Variants in RBFOX3 observed in about 807,000 individuals in gnomAD.
The protein encoded by RBFOX3 is RNA binding fox-1 homolog 3.
RBFOX3 carries 17 observed loss-of-function variants against 48.7 expected under a neutral mutation model. The observed-to-expected ratio is 0.35, with a 90% CI of 0.24 to 0.52. The LOEUF is 0.52. Among genes scored for constraint, RBFOX3 ranks in the 20% least tolerant of loss-of-function variants. The pLI, the probability that RBFOX3 is intolerant of heterozygous loss-of-function variation, is 0.94. For synonymous variants in RBFOX3, 212 were observed against 209.5 expected (o/e 1.01, Z -0.10); for missense variants, 382 against 497.5 (o/e 0.77, Z 2.21).
At chr17:79,121,605 G>T (rs1443459169) in intron 4 of RBFOX3, among the ~76,000 whole-genome samples, 1 of 152,136 alleles carries the variant, frequency 6.6e-6, no homozygotes, top group Admixed American at 6.5e-5. Flanking sequence ...TCCAGTCCTT[G>T]TCTGGTCTGG....
intron 2 of RBFOX3, among the ~76,000 whole-genome samples, chr17:79,457,737 G>A (rs1384649639): frequency 1.3e-5 from 2 of 152,260 alleles, no homozygotes; most frequent in Non-Finnish European, 2.9e-5. Context: ...CAACAGCCAT[G>A]AGATCCCTGC....
At chr17:79,664,568 G>A in the RBFOX3 span, among the ~76,000 whole-genome samples, 2 of 152,086 alleles carry the variant, frequency 1.3e-5, no homozygotes, top group African/African-American at 2.4e-5. Flanking sequence ...GGCTGGTCTC[G>A]AACTCCTGAC....
intron 2 of RBFOX3, among the ~76,000 whole-genome samples, chr17:79,330,097 T>C (rs1197050157): frequency 6.6e-6 from 1 of 152,174 alleles, no homozygotes; most frequent in Non-Finnish European, 1.5e-5. Flanking sequence ...CCAGAGACTC[T>C]TGTGTGTGAG....
At chr17:79,524,093 C>T (rs993364336) in intron 1 of RBFOX3, among the ~76,000 whole-genome samples, 506 of 152,252 alleles carry the variant, frequency 3.3e-3, no homozygotes, top group African/African-American at 0.012. Context: ...TTTGAAGTCC[C>T]GCATTCTATG....
intron 2 of RBFOX3, among the ~76,000 whole-genome samples, chr17:79,406,306 C>A (rs1461057043): frequency 6.6e-6 from 1 of 152,228 alleles, no homozygotes; most frequent in Non-Finnish European, 1.5e-5. Context: ...CGGCTCAGCA[C>A]TGCTTCAGCC....
At chr17:79,356,367 T>TTTTTGTTTTTGTTTTTG (rs1479725765) in intron 2 of RBFOX3, among the ~76,000 whole-genome samples, 1 of 76,996 alleles carries the variant, frequency 1.3e-5, no homozygotes, top group Admixed American at 1.3e-4. Flanking sequence ...TTTTTTTTTT[T>TTTTTGTTTTTGTTTTTG]TTTTTTTTTT....
chr17:79,626,982 G>A, the RBFOX3 span, among the ~76,000 whole-genome samples: 1 of 152,218 alleles, frequency 6.6e-6, no homozygotes. Flanking sequence ...TCAGCCTCGA[G>A]CCTCAGAATG....
intron 1 of RBFOX3, among the ~76,000 whole-genome samples, chr17:79,585,595 G>A (rs987550642): frequency 9.1e-4 from 138 of 152,196 alleles, no homozygotes; most frequent in African/African-American, 3.2e-3. Context: ...AAATAAAAAT[G>A]TTTAAGACCT....
At chr17:79,620,204 C>CACATGCACACACAGGG in the RBFOX3 span, among the ~76,000 whole-genome samples, 2 of 148,650 alleles carry the variant, frequency 1.3e-5, no homozygotes, top group Admixed American at 6.7e-5. Flanking sequence ...CACACACGTG[C>CACATGCACACACAGGG]ACATGCACAC....
chr17:79,425,850 AGGAATGGTGAG>A (rs1487471773), intron 2 of RBFOX3, among the ~76,000 whole-genome samples: 1 of 151,990 alleles, frequency 6.6e-6, no homozygotes, highest in Non-Finnish European at 1.5e-5. Flanking sequence ...GGAGAGGACA[AGGAATGGTGAG>A]GGCAGAGACC....
intron 4 of RBFOX3, among the ~76,000 whole-genome samples, chr17:79,173,066 C>T (rs376010171): frequency 2.6e-4 from 40 of 152,180 alleles, no homozygotes; most frequent in East Asian, 1.2e-3. Context: ...AGAAATTAGC[C>T]GGGTGTGGTG....
At chr17:79,147,541 G>A (rs932828329) in intron 4 of RBFOX3, among the ~76,000 whole-genome samples, 3 of 152,188 alleles carry the variant, frequency 2.0e-5, no homozygotes, top group Non-Finnish European at 4.4e-5. Flanking sequence ...GAGATCGGGA[G>A]GATCTCATTG....
intron 1 of RBFOX3, among the ~76,000 whole-genome samples, chr17:79,609,219 T>C (rs2093912558): frequency 6.6e-6 from 1 of 152,148 alleles, no homozygotes; most frequent in Non-Finnish European, 1.5e-5. Context: ...TGCAGACCAG[T>C]AAAACCGAAG....
In RBFOX3 at chr17:79,451,379, C is replaced by T. The variant is rs376036528; in HGVS notation, c.-175+31075G>A. 2.2e-3 allele frequency among the ~76,000 whole-genome samples: 330 copies of T among 152,268 alleles called. 2 individuals are homozygous for T. In the Middle Eastern group the frequency reaches 0.024, roughly 11 times the overall value. On this transcript the variant is annotated intron_variant, in intron 2 of 14. Coordinates refer to ENST00000693108, the MANE Select transcript of RBFOX3 (RefSeq NM_001350451.2). The stretch of plus-strand genomic sequence containing the variant: ...GCCGGGAAGACGTTGTCACCTCCGC[C>T]GAGCTCTGAACCCAGAAGACAAGCT...
At chr17:79,518,428 C>T (rs1354724187) in intron 1 of RBFOX3, among the ~76,000 whole-genome samples, 3 of 152,232 alleles carry the variant, frequency 2.0e-5, no homozygotes, top group African/African-American at 4.8e-5. Context: ...ATGGCCTGGC[C>T]GGGGCCCCAA....
intron 2 of RBFOX3, among the ~76,000 whole-genome samples, chr17:79,437,428 C>G (rs1178068608): frequency 6.6e-6 from 1 of 152,236 alleles, no homozygotes; most frequent in Admixed American, 6.5e-5. Context: ...CCCATAGCAC[C>G]TCTGAGCTGA....
rs7218077 is a variant in RBFOX3 at position 79,447,394 on chromosome 17, T to C, written c.-175+35060A>G. Among the ~76,000 whole-genome samples the C allele has an allele frequency of 2.0e-5, 3 of 152,162 alleles. No homozygotes were observed. The East Asian group carries it at 5.8e-4, about 29-fold the overall frequency. On this transcript the variant is annotated intron_variant, in intron 2 of 14. Coordinates refer to ENST00000693108, the MANE Select transcript of RBFOX3 (RefSeq NM_001350451.2). ...CAAACTGCCACTCCCCCTCCACAGATGCCGTGTTTGCTGGCAGAGTGCCGG... is the reference window on the plus strand; with the variant it reads ...CAAACTGCCACTCCCCCTCCACAGACGCCGTGTTTGCTGGCAGAGTGCCGG...
the RBFOX3 span, among the ~76,000 whole-genome samples, chr17:79,627,320 G>A: frequency 6.6e-6 from 1 of 152,176 alleles, no homozygotes; most frequent in African/African-American, 2.4e-5. Context: ...GTCCAGCTGG[G>A]CACAACCAGG....
rs966937180 is a variant in RBFOX3, at chr17:79,553,972, A to T, written c.-320+56854T>A. 9.2e-3 allele frequency among the ~76,000 whole-genome samples: 1,407 copies of T among 152,212 alleles called. 12 individuals carry two copies. The highest frequency in any genetic ancestry group is 0.034 in the South Asian group (164 of 4,822). Reference sequence around the variant, plus strand: ...TGGTCTCAAATTCCCAACCTCAGGCAATCCACCCGCCTCGGCCTCCCAAAA... The same window carrying T: ...TGGTCTCAAATTCCCAACCTCAGGCTATCCACCCGCCTCGGCCTCCCAAAA... On this transcript the variant is annotated intron_variant, in intron 1 of 14. Transcript: ENST00000693108.
Sources: allele counts gnomAD v4.1 joint callset (sites outside exome capture counted in the v4.1 genomes callset), GRCh38; gene constraint gnomAD v4.1.1; transcripts MANE v1.5; gene names NCBI Gene and HGNC (gene_info 2026-07-23, HGNC 2026-07-21).